CDH4: variants seen among roughly 807,000 people sequenced by gnomAD.
CDH4 encodes the protein cadherin 4, also known as cadherin-4.
A neutral mutation model predicts 86.0 loss-of-function variants in CDH4; 33 were observed. The ratio of observed to expected loss-of-function variants is 0.38; its 90% CI spans 0.29 to 0.51. The LOEUF (loss-of-function observed/expected upper bound fraction) is 0.51, where lower values mean the gene tolerates loss of function less well. CDH4 is among the 20% of genes least tolerant of loss of function. CDH4 has a pLI of 0.86. For synonymous variants in CDH4, 555 were observed against 549.4 expected (o/e 1.01, Z -0.14); for missense variants, 1,114 against 1,307.4 (o/e 0.85, Z 2.28).
intron 3 of CDH4, among the ~76,000 whole-genome samples, chr20:61,762,099 C>T (rs1379334912): frequency 2.0e-5 from 3 of 152,240 alleles, no homozygotes; most frequent in Non-Finnish European, 2.9e-5. Context: ...CTCCCCTGCG[C>T]TGTTTCCCTG....
intron 4 of CDH4, among the ~76,000 whole-genome samples, chr20:61,788,263 C>T (rs1371211833): frequency 6.6e-6 from 1 of 152,122 alleles, no homozygotes; most frequent in East Asian, 1.9e-4. Flanking sequence ...GGTCGCGGAG[C>T]TTCTGCTTCA....
chr20:61,329,444 C>T lies in CDH4; in HGVS notation c.169+74507C>T, dbSNP rs575555091. On this transcript the variant is annotated intron_variant, in intron 2 of 15. Transcript: ENST00000614565. ...GAGGGCACCCAGGTCCTCATGGTCC[C>T]CCGTGGGTCTGGGATGTGGGTTGAG... is the stretch of plus-strand genomic sequence containing the variant. Among the ~76,000 whole-genome samples the T allele has an allele frequency of 1.3e-4, 20 of 152,192 alleles. 1 individual carries two copies. Among genetic ancestry groups the T allele is most frequent in the Non-Finnish European group, 2.6e-4 (18 of 68,024 alleles).
intron 2 of CDH4, among the ~76,000 whole-genome samples, chr20:61,591,482 G>A (rs1030672655): frequency 2.6e-5 from 4 of 152,066 alleles, no homozygotes; most frequent in African/African-American, 4.8e-5. Context: ...CTGTTGTGAT[G>A]CATTGTTTGG....
intron 2 of CDH4, among the ~76,000 whole-genome samples, chr20:61,444,224 CTCTCTT>C (rs2085330313): frequency 1.1e-4 from 1 of 9,458 alleles, no homozygotes. Flanking sequence ...ATGGCTGTGT[CTCTCTT>C]TGTGTATTTT....
At chr20:61,299,579 G>A (rs1440693846) in intron 2 of CDH4, among the ~76,000 whole-genome samples, 1 of 152,160 alleles carries the variant, frequency 6.6e-6, no homozygotes, top group African/African-American at 2.4e-5. Flanking sequence ...TTTTTGAAAA[G>A]GAGGTTACTC....
intron 3 of CDH4, among the ~76,000 whole-genome samples, chr20:61,764,787 C>T (rs1000326887): frequency 3.3e-4 from 51 of 152,328 alleles, no homozygotes; most frequent in African/African-American, 9.6e-4. Flanking sequence ...GCCCACATCC[C>T]AGGCATCCAC....
intron 2 of CDH4, among the ~76,000 whole-genome samples, chr20:61,552,265 C>T (rs543243622): frequency 2.0e-5 from 3 of 152,262 alleles, no homozygotes; most frequent in African/African-American, 7.2e-5. Context: ...AGAACTCTTA[C>T]AACTTAATAA....
At chr20:61,669,713 A>G (rs1168581193) in intron 2 of CDH4, among the ~76,000 whole-genome samples, 1 of 152,210 alleles carries the variant, frequency 6.6e-6, no homozygotes, top group Non-Finnish European at 1.5e-5. Context: ...TTTTGCTGGC[A>G]AAAGAGGGTC....
rs540051474 is a variant in CDH4 at position 61,766,412 on chromosome 20, T to C, written c.397-6591T>C. Among the ~76,000 whole-genome samples the C allele has an allele frequency of 2.0e-5, 3 of 152,146 alleles. No homozygotes were observed. The South Asian group carries it at 6.2e-4, about 32-fold the overall frequency. On this transcript the variant is annotated intron_variant, in intron 3 of 15. Transcript: ENST00000614565. The stretch of plus-strand genomic sequence containing the variant: ...GGCTGCAGGAGTCTTGCCCTCTCCT[T>C]CTCTGCCCTCTGGAAGTCCTGCCCA...
intron 2 of CDH4, among the ~76,000 whole-genome samples, chr20:61,674,985 T>C (rs1018106046): frequency 7.9e-5 from 12 of 152,224 alleles, no homozygotes; most frequent in South Asian, 2.1e-4. Flanking sequence ...GAAAGAGACA[T>C]TGTGGCCCAC....
intron 15 of CDH4, among the ~76,000 whole-genome samples, 169 bp downstream of exon 15, chr20:61,934,389 G>C (rs2055153926): frequency 6.6e-6 from 1 of 152,214 alleles, no homozygotes; most frequent in East Asian, 1.9e-4. Flanking sequence ...GGGTGGCCTG[G>C]GCAAATCACC....
intron 4 of CDH4, among the ~76,000 whole-genome samples, chr20:61,834,270 C>G (rs1981764668): frequency 6.6e-6 from 1 of 152,238 alleles, no homozygotes; most frequent in Non-Finnish European, 1.5e-5. Context: ...CCTTGCCCCC[C>G]CTCACTCAGC....
At chr20:61,704,680 A>T (rs2087810986) in intron 2 of CDH4, among the ~76,000 whole-genome samples, 1 of 152,168 alleles carries the variant, frequency 6.6e-6, no homozygotes, top group Non-Finnish European at 1.5e-5. Flanking sequence ...GGGCTTTTTT[A>T]AAATATGGAA....
intron 2 of CDH4, among the ~76,000 whole-genome samples, chr20:61,329,883 TC>T (rs2084562678): frequency 9.5e-6 from 1 of 105,806 alleles, no homozygotes; most frequent in African/African-American, 3.4e-5. Context: ...TGTATGTTGT[TC>T]CCCTCCCTGT....
chr20:61,524,947 C>T (rs564177346), intron 2 of CDH4, among the ~76,000 whole-genome samples: 4 of 152,340 alleles, frequency 2.6e-5, no homozygotes, highest in Admixed American at 2.6e-4. Flanking sequence ...CCACCTCCAA[C>T]ATCTTTCATT....
intron 3 of CDH4, among the ~76,000 whole-genome samples, chr20:61,745,207 G>A (rs1462585519): frequency 3.3e-5 from 5 of 152,200 alleles, no homozygotes; most frequent in South Asian, 2.1e-4. Flanking sequence ...ATTCCTTTCC[G>A]TGGGTTTCCC....
intron 2 of CDH4, among the ~76,000 whole-genome samples, chr20:61,362,036 G>A (rs1053100134): frequency 6.6e-6 from 1 of 152,244 alleles, no homozygotes; most frequent in Non-Finnish European, 1.5e-5. Flanking sequence ...GAGAGCAGTG[G>A]GTGCTGGTGA....
chr20:61,687,095 C>G (rs999610223), intron 2 of CDH4, among the ~76,000 whole-genome samples: 1 of 152,178 alleles, frequency 6.6e-6, no homozygotes, highest in African/African-American at 2.4e-5. Context: ...GGCGACCTCC[C>G]CGCACGCCCT....
At chr20:61,521,171 A>G (rs2085866291) in intron 2 of CDH4, among the ~76,000 whole-genome samples, 1 of 152,160 alleles carries the variant, frequency 6.6e-6, no homozygotes, top group South Asian at 2.1e-4. Context: ...AATTTCCAGC[A>G]CGTGTGGAGG....
Sources: allele counts gnomAD v4.1 joint callset (sites outside exome capture counted in the v4.1 genomes callset), GRCh38; gene constraint gnomAD v4.1.1; transcripts MANE v1.5; gene names NCBI Gene and HGNC (gene_info 2026-07-23, HGNC 2026-07-21).